The following PDE9A variants were observed in gnomAD, a reference collection of about 807,000 sequenced individuals.
PDE9A encodes the protein phosphodiesterase 9A, also known as high affinity cGMP-specific 3',5'-cyclic phosphodiesterase 9A.
Under a neutral mutation model 87.4 loss-of-function variants are expected in PDE9A, and 60 were observed. That is an observed-to-expected ratio of 0.69 (90% CI 0.56 to 0.85). The LOEUF (loss-of-function observed/expected upper bound fraction) is 0.85. PDE9A is among the 40% of genes least tolerant of loss of function. PDE9A has a pLI of 0.00. For missense variants in PDE9A, 665 were observed against 779.0 expected (o/e 0.85, Z 1.74); for synonymous variants, 272 against 279.4 (o/e 0.97, Z 0.27).
chr21:42,676,801 C>G (rs1290827741), intron 1 of PDE9A, among the ~76,000 whole-genome samples: 1 of 152,196 alleles, frequency 6.6e-6, no homozygotes, highest in Non-Finnish European at 1.5e-5. Context: ...ATCAGTCCTC[C>G]TTATTTTGGT....
chr21:42,726,622 A>ATTTTTTTTTTTTTTT (rs1445924271), intron 4 of PDE9A, among the ~76,000 whole-genome samples: 2 of 25,210 alleles, frequency 7.9e-5, no homozygotes, highest in African/African-American at 2.5e-4. Flanking sequence ...ATATATATAT[A>ATTTTTTTTTTTTTTT]TATTTTTTTT....
chr21:42,669,598 C>G (rs1234558768), intron 1 of PDE9A, among the ~76,000 whole-genome samples: 3 of 152,182 alleles, frequency 2.0e-5, no homozygotes, highest in Non-Finnish European at 4.4e-5. Context: ...ACCCACACCC[C>G]ACTTGGCGGT....
chr21:42,713,659 T>C (rs890176059), intron 4 of PDE9A, among the ~76,000 whole-genome samples: 52 of 152,364 alleles, frequency 3.4e-4, no homozygotes, highest in African/African-American at 1.2e-3. Context: ...TATGTCCCTT[T>C]ACACTTAATG....
intron 16 of PDE9A, 125 bp from the exon 17 acceptor site, chr21:42,768,902 A>G: frequency 6.7e-7 from 1 of 1,493,062 alleles, no homozygotes; most frequent in Non-Finnish European, 8.9e-7. Flanking sequence ...TCTTACTGAG[A>G]CACATTTGTG....
At chr21:42,680,378 A>G (rs1348539816) in intron 1 of PDE9A, among the ~76,000 whole-genome samples, 1 of 152,264 alleles carries the variant, frequency 6.6e-6, no homozygotes, top group Non-Finnish European at 1.5e-5. Context: ...TGCGCAGGAC[A>G]GCTGGCCGGC....
Position 42,759,932 on chromosome 21 carries a change from C to G in PDE9A, c.898-396C>G, listed in dbSNP as rs759017690. ...TTTTTTAATGAAATATTGCTCAGAA[C>G]CAAATATTAAAAGCCTATTAAAGGT... is the stretch of plus-strand genomic sequence containing the variant. On this transcript the variant is annotated intron_variant, in intron 11 of 19. Coordinates refer to ENST00000291539, the MANE Select transcript of PDE9A (RefSeq NM_002606.3). This position sits in a 1 kb window ranked among gnomAD's most constrained non-coding sequence, Gnocchi z 7.2. Among the ~76,000 whole-genome samples the G allele has an allele frequency of 6.6e-6, 1 of 151,818 alleles. No homozygotes were observed. The highest frequency in any genetic ancestry group is 1.5e-5 in the Non-Finnish European group (1 of 67,932).
intron 4 of PDE9A, among the ~76,000 whole-genome samples, chr21:42,699,709 C>T (rs1202969286): frequency 1.3e-5 from 2 of 150,520 alleles, no homozygotes; most frequent in African/African-American, 2.4e-5. Flanking sequence ...GCGTGCACCA[C>T]CAAGCCTGGG....
chr21:42,741,539 C>A, intron 7 of PDE9A: 1 of 152,408 alleles, frequency 6.6e-6, no homozygotes, highest in Non-Finnish European at 1.5e-5. Flanking sequence ...ACCCCATGTC[C>A]TCTAGCTGTT....
At chr21:42,663,493 C>A (rs2895935) in intron 1 of PDE9A, among the ~76,000 whole-genome samples, 1 of 151,992 alleles carries the variant, frequency 6.6e-6, no homozygotes, top group African/African-American at 2.4e-5. Context: ...GCCTCCTATA[C>A]GTGCCGGAAG....
At chr21:42,743,724 C>G (rs890318868) in intron 7 of PDE9A, 52 bp from the exon 8 acceptor site, 1 of 1,157,300 alleles carries the variant, frequency 8.6e-7, no homozygotes, top group Non-Finnish European at 1.3e-6. Context: ...CTTGAGAGAT[C>G]CTCCACATTC....
chr21:42,708,426 G>T (rs1269114152), intron 4 of PDE9A, among the ~76,000 whole-genome samples: 1 of 152,168 alleles, frequency 6.6e-6, no homozygotes, highest in Non-Finnish European at 1.5e-5. Context: ...GCAAACGTTA[G>T]GACTGCCCTC....
chr21:42,656,343 G>A (rs1403112288), intron 1 of PDE9A, among the ~76,000 whole-genome samples: 1 of 152,210 alleles, frequency 6.6e-6, no homozygotes, highest in East Asian at 1.9e-4. Flanking sequence ...TTGTCCCTCT[G>A]GTTACCTGAC....
At chr21:42,662,092 G>T (rs1400866962) in intron 1 of PDE9A, among the ~76,000 whole-genome samples, 1 of 152,192 alleles carries the variant, frequency 6.6e-6, no homozygotes, top group Non-Finnish European at 1.5e-5. Context: ...GCTAATACGC[G>T]TCAAATGCTA....
At chr21:42,770,981 AC>A (rs2056978419) in intron 18 of PDE9A, among the ~76,000 whole-genome samples, 183 bp downstream of exon 18, 1 of 152,214 alleles carries the variant, frequency 6.6e-6, no homozygotes, top group South Asian at 2.1e-4. Context: ...GATGAGGGAA[AC>A]CAAAACTGCA....
chr21:42,772,513 C>A lies in PDE9A; in HGVS notation c.1761C>A (p.Asn587Lys). The A allele has an allele frequency of 6.2e-7, 1 of 1,600,812 alleles. No homozygotes were observed. Among genetic ancestry groups the A allele is most frequent in the Non-Finnish European group, 8.5e-7 (1 of 1,172,300 alleles). Reference sequence around the variant, plus strand: ...GAGAGAGAAGCAGAGATGTGAAAAACAGTGAAGGTAATGCTTGCTCTGCTG... The same window carrying A: ...GAGAGAGAAGCAGAGATGTGAAAAAAAGTGAAGGTAATGCTTGCTCTGCTG... ...KSRERSRDVK[N>K]SEGDCA The change falls in exon 19 of 20, where the codon AAC becomes AAA. Residue 587 changes from asparagine (N) to lysine (K), a missense_variant. By Grantham distance (94) the Asn-to-Lys change is moderately conservative. Coordinates refer to ENST00000291539, the MANE Select transcript of PDE9A (RefSeq NM_002606.3).
chr21:42,765,255 G>T, intron 14 of PDE9A, 126 bp from the exon 15 acceptor site: 3 of 601,932 alleles, frequency 5.0e-6, no homozygotes, highest in Admixed American at 3.1e-5. Flanking sequence ...GGTGATGGAT[G>T]CACATATGAA....
intron 1 of PDE9A, among the ~76,000 whole-genome samples, chr21:42,683,631 C>G (rs1358040603): frequency 6.6e-6 from 1 of 152,240 alleles, no homozygotes; most frequent in Non-Finnish European, 1.5e-5. Context: ...GCCCATGAGC[C>G]TGTTGCCCTT....
intron 7 of PDE9A, among the ~76,000 whole-genome samples, chr21:42,742,454 C>G (rs1466241628): frequency 7.8e-6 from 1 of 128,300 alleles, no homozygotes; most frequent in East Asian, 2.6e-4. Context: ...TTGAAGCTGT[C>G]TGCTTTTTTT....
At position 42,699,390 on chromosome 21, in the gene PDE9A, G is replaced by A. The variant is rs1354217116; in HGVS notation, c.262+379G>A. Among the ~76,000 whole-genome samples, 3 of 152,172 alleles carry A rather than the reference G, an allele frequency of 2.0e-5. No individual in the cohort carries two copies. The East Asian group carries it at 5.8e-4, about 29-fold the overall frequency. ...CCCCTCGGCCAGAGGCCATCCCAAG[G>A]ACTTTGCAGTTGCAGGGCGGCATCC... On this transcript the variant is annotated intron_variant, in intron 4 of 19. Coordinates refer to ENST00000291539, the MANE Select transcript of PDE9A (RefSeq NM_002606.3).
Sources: allele counts gnomAD v4.1 joint callset (sites outside exome capture counted in the v4.1 genomes callset), GRCh38; gene constraint gnomAD v4.1.1; non-coding constraint Gnocchi (gnomAD v3.1); transcripts MANE v1.5; gene names NCBI Gene and HGNC (gene_info 2026-07-23, HGNC 2026-07-21).